The following RPH3AL variants were observed in gnomAD, a reference collection of about 807,000 sequenced individuals.
RPH3AL encodes rabphilin 3A like (without C2 domains).
RPH3AL carries 38 observed loss-of-function variants against 43.1 expected under a neutral mutation model. The observed-to-expected ratio is 0.88, with a 90% CI of 0.68 to 1.15. The LOEUF (loss-of-function observed/expected upper bound fraction) is 1.15, where lower values mean the gene tolerates loss of function less well. RPH3AL is among the 50% of genes most tolerant of loss of function. RPH3AL has a pLI of 0.00. For missense variants in RPH3AL, 462 were observed against 423.2 expected, an observed-to-expected ratio of 1.09 and a Z score of -0.81; for synonymous variants, 189 against 176.3, an observed-to-expected ratio of 1.07 and a Z score of -0.57.
intron 5 of RPH3AL, among the ~76,000 whole-genome samples, chr17:311,205 C>T (rs2043637657): frequency 6.6e-6 from 1 of 152,218 alleles, no homozygotes; most frequent in South Asian, 2.1e-4. Context: ...AGGATCTCAG[C>T]CTTGGAGGCA....
At chr17:313,032 G>A (rs572920731) in intron 5 of RPH3AL, among the ~76,000 whole-genome samples, 104 of 152,324 alleles carry the variant, frequency 6.8e-4, no homozygotes, top group Non-Finnish European at 1.1e-3. Context: ...CAGGAGAACC[G>A]GCTGCCCTCT....
chr17:243,000 GA>G (rs140064356), intron 7 of RPH3AL, among the ~76,000 whole-genome samples: 3,329 of 122,454 alleles, frequency 0.027, 507 homozygotes, highest in African/African-American at 0.1. Context: ...TTCCTCTATT[GA>G]ATACCTTCCT....
At chr17:284,389 GC>G (rs1415083354) in intron 5 of RPH3AL, among the ~76,000 whole-genome samples, 1 of 152,136 alleles carries the variant, frequency 6.6e-6, no homozygotes, top group East Asian at 1.9e-4. Flanking sequence ...CCAGGCTGGT[GC>G]GCACGGCTCT....
At chr17:312,138 C>T (rs1004017002) in intron 5 of RPH3AL, among the ~76,000 whole-genome samples, 2 of 152,020 alleles carry the variant, frequency 1.3e-5, no homozygotes, top group African/African-American at 4.8e-5. Context: ...CCTGTCTCTA[C>T]AAAAAATTAA....
At position 213,643 on chromosome 17, in the gene RPH3AL, T is replaced by C. The variant is rs1446156224; in HGVS notation, c.*209A>G. On this transcript the variant is annotated 3_prime_UTR_variant, in exon 10 of 10. Transcript: ENST00000331302. ...TAAGGTCGGGGGCTGAGGGCAGTGG[T>C]TGGAGGGGGTGGCGGATGCAGACAG... 9 of 594,624 alleles carry C rather than the reference T, an allele frequency of 1.5e-5. No individual in the cohort carries two copies. Among genetic ancestry groups the C allele is most frequent in the East Asian group, 5.7e-5 (2 of 34,886 alleles). The allele number at this position is 594,624 out of a possible 1,614,324, so 36.8% of individuals were successfully genotyped here. A position where few individuals can be genotyped will look rare whatever the true frequency, so the allele number is the denominator to read the frequency against.
intron 6 of RPH3AL, among the ~76,000 whole-genome samples, chr17:271,686 T>G (rs2042466645): frequency 6.6e-6 from 1 of 152,228 alleles, no homozygotes; most frequent in Non-Finnish European, 1.5e-5. Flanking sequence ...AACAGGGTTT[T>G]CTAGATATAC....
Position 250,044 on chromosome 17 carries a change from A to G in RPH3AL, c.439-2759T>C, listed in dbSNP as rs138921104. Among the ~76,000 whole-genome samples the G allele has an allele frequency of 1.9e-3, 224 of 117,422 alleles. 1 individual carries two copies. The highest frequency in any genetic ancestry group is 6.2e-3 in the Middle Eastern group (1 of 162). 77.0% of individuals were successfully genotyped at this position (117,422 alleles called of 152,430 possible). A position where few individuals can be genotyped will look rare whatever the true frequency, so the allele number is the denominator to read the frequency against. On this transcript the variant is annotated intron_variant, in intron 6 of 9. Transcript: ENST00000331302. ...CTCGGAGCCTTTACTAAGGTCCATC[A>G]CTGCGGGACCTCTGGGAGCCTTTAC...
intron 5 of RPH3AL, among the ~76,000 whole-genome samples, chr17:314,936 G>A (rs2043875762): frequency 7.5e-6 from 1 of 133,846 alleles, no homozygotes; most frequent in Non-Finnish European, 1.5e-5. Context: ...CACCTCCATT[G>A]ACCTGTAGTC....
chr17:252,198 C>T (rs1555542811), intron 6 of RPH3AL, among the ~76,000 whole-genome samples: 2 of 152,092 alleles, frequency 1.3e-5, no homozygotes, highest in Non-Finnish European at 2.9e-5. Context: ...TGGTCTCTAA[C>T]TCCTGGGCTC....
At chr17:308,112 T>A (rs4490059) in intron 5 of RPH3AL, among the ~76,000 whole-genome samples, 81,804 of 152,030 alleles carry the variant, frequency 0.54, 23,412 homozygotes, top group East Asian at 0.76. Context: ...GGGCAAACAC[T>A]CGTCTTCCAC....
rs1052334005 is a variant in RPH3AL, at chr17:301,085, G to A, written c.351+18335C>T. On this transcript the variant is annotated intron_variant, in intron 5 of 9. Coordinates refer to ENST00000331302, the MANE Select transcript of RPH3AL (RefSeq NM_006987.4). ...GGCCTCAGGCCCACTCTGTAGGGGC[G>A]CTGCCTCAGGGGGGCCCAGGGCTGG... Among the ~76,000 whole-genome samples the A allele has an allele frequency of 5.9e-5, 9 of 152,378 alleles. No homozygotes were observed. The South Asian group carries it at 8.3e-4, about 14-fold the overall frequency.
intron 1 of RPH3AL, among the ~76,000 whole-genome samples, chr17:338,213 G>A (rs1421761986): frequency 6.6e-6 from 1 of 152,212 alleles, no homozygotes; most frequent in Non-Finnish European, 1.5e-5. Flanking sequence ...TGTAACCCCA[G>A]CACTTTGGGA....
At chr17:258,103 A>T (rs2042104769) in intron 6 of RPH3AL, among the ~76,000 whole-genome samples, 1 of 152,142 alleles carries the variant, frequency 6.6e-6, no homozygotes. Context: ...TCTGAGGCTG[A>T]GCAATGTTCC....
intron 5 of RPH3AL, among the ~76,000 whole-genome samples, chr17:314,560 C>T (rs892936786): frequency 2.9e-5 from 4 of 140,020 alleles, no homozygotes; most frequent in African/African-American, 5.2e-5. Flanking sequence ...AGTCTCTGTG[C>T]CCCACCTCCA....
At chr17:263,099 C>A (rs1182735115) in intron 6 of RPH3AL, among the ~76,000 whole-genome samples, 1 of 152,112 alleles carries the variant, frequency 6.6e-6, no homozygotes, top group Non-Finnish European at 1.5e-5. Flanking sequence ...TTCATTATAG[C>A]TAAAGAACAG....
intron 5 of RPH3AL, among the ~76,000 whole-genome samples, chr17:308,077 TG>T (rs2043546170): frequency 6.6e-6 from 1 of 152,322 alleles, no homozygotes; most frequent in African/African-American, 2.4e-5. Flanking sequence ...AGTCGCTGAA[TG>T]AAAAAATCCA....
chr17:213,942 GCCA>G lies in RPH3AL; in HGVS notation c.877-22_877-20del. 2 of 1,602,726 alleles carry G rather than the reference GCCA, an allele frequency of 1.2e-6. No homozygotes were observed. Among genetic ancestry groups the G allele is most frequent in the Non-Finnish European group, 1.7e-6 (2 of 1,171,480 alleles). On this transcript the variant is annotated intron_variant, in intron 9 of 9. Transcript: ENST00000331302. ...CTTTTACCTTTGGATGAGAGAAAAG[GCCA>G]CCACATGGTGAGCAGCGGTGGAGTC...
At chr17:299,810 A>G (rs186442200) in intron 5 of RPH3AL, among the ~76,000 whole-genome samples, 1 of 152,252 alleles carries the variant, frequency 6.6e-6, no homozygotes, top group South Asian at 2.1e-4. Flanking sequence ...ACGGCCGCTG[A>G]GTGGATTTGC....
At chr17:240,094 G>C (rs1487842992) in intron 7 of RPH3AL, among the ~76,000 whole-genome samples, 1 of 152,026 alleles carries the variant, frequency 6.6e-6, no homozygotes, top group Non-Finnish European at 1.5e-5. Context: ...AAAATTAGCG[G>C]GGCGTGGTGG....
Sources: gnomAD v4.1 joint callset for allele counts (sites outside exome capture counted in the v4.1 genomes callset) on GRCh38, gnomAD v4.1.1 for gene constraint, MANE v1.5 for transcripts, NCBI Gene and HGNC (gene_info 2026-07-23, HGNC 2026-07-21) for gene names.